Variants in FRAS1 observed in about 807,000 individuals in gnomAD.
FRAS1 encodes the protein extracellular matrix organizing protein FRAS1.
Under a neutral mutation model 435.2 loss-of-function variants are expected in FRAS1, and 290 were observed. The ratio of observed to expected loss-of-function variants is 0.67; its 90% CI spans 0.61 to 0.73. FRAS1 has a LOEUF of 0.73. Ranked by LOEUF, FRAS1 falls within the 30% of genes least tolerant of loss-of-function variation. FRAS1 has a pLI of 0.00. For synonymous variants in FRAS1, 1,800 were observed against 1,851.0 expected, an observed-to-expected ratio of 0.97 and a Z score of 0.71; for missense variants, 4,860 against 5,001.5, an observed-to-expected ratio of 0.97 and a Z score of 0.85.
rs569763806 is a variant in FRAS1 at position 78,154,421 on chromosome 4, T to C, written c.109-83089T>C. Reference sequence around the variant, plus strand: ...TTTGTTTAAAACCCATTTAAAATATTTTTACCATGGAATTTTGTTCTTAAA... The same window carrying C: ...TTTGTTTAAAACCCATTTAAAATATCTTTACCATGGAATTTTGTTCTTAAA... On this transcript the variant is annotated intron_variant, in intron 2 of 73. Transcript: ENST00000512123. Among the ~76,000 whole-genome samples the C allele has an allele frequency of 2.6e-5, 4 of 152,250 alleles. No individual in the cohort carries two copies. The South Asian group carries it at 8.3e-4, about 32-fold the overall frequency.
chr4:78,472,118 G>A, intron 51 of FRAS1, 62 bp from the exon 52 acceptor site: 2 of 1,506,116 alleles, frequency 1.3e-6, no homozygotes, highest in Non-Finnish European at 1.8e-6. Flanking sequence ...ATCTGAGTCA[G>A]AGGGTCTTGT....
intron 31 of FRAS1, among the ~76,000 whole-genome samples, chr4:78,411,417 G>A (rs2110358214): frequency 6.6e-6 from 1 of 152,224 alleles, no homozygotes; most frequent in African/African-American, 2.4e-5. Context: ...CAGCCGAGTT[G>A]CATGGATTTA....
chr4:78,238,011 C>G (rs1194448670), intron 3 of FRAS1, among the ~76,000 whole-genome samples: 1 of 152,154 alleles, frequency 6.6e-6, no homozygotes, highest in Admixed American at 6.5e-5. Context: ...AGAGATTTTA[C>G]CTGAAGTCTG....
intron 2 of FRAS1, among the ~76,000 whole-genome samples, chr4:78,085,144 T>C (rs183133646): frequency 6.3e-4 from 96 of 152,232 alleles, no homozygotes; most frequent in Non-Finnish European, 1.2e-3. Flanking sequence ...GATAGTCAAA[T>C]TTCTGTGTTT....
intron 31 of FRAS1, among the ~76,000 whole-genome samples, chr4:78,408,258 A>G (rs776228549): frequency 6.6e-6 from 1 of 152,188 alleles, no homozygotes; most frequent in Non-Finnish European, 1.5e-5. Flanking sequence ...CATGGGAATT[A>G]TGGGAGCTAT....
intron 18 of FRAS1, among the ~76,000 whole-genome samples, chr4:78,329,827 C>T (rs1297041073): frequency 2.6e-5 from 4 of 152,140 alleles, no homozygotes; most frequent in African/African-American, 9.7e-5. Flanking sequence ...TCCTTTGTGC[C>T]TGGAGCTGAG....
At chr4:78,253,242 CACAG>C (rs1406271827) in intron 5 of FRAS1, among the ~76,000 whole-genome samples, 8 of 152,212 alleles carry the variant, frequency 5.3e-5, no homozygotes, top group African/African-American at 1.4e-4. Flanking sequence ...TACCCGACCC[CACAG>C]GCAGTCAGAC....
intron 14 of FRAS1, among the ~76,000 whole-genome samples, chr4:78,296,419 A>G (rs1315538800): frequency 2.0e-5 from 3 of 152,102 alleles, no homozygotes; most frequent in Non-Finnish European, 4.4e-5. Flanking sequence ...AAAAGGATCA[A>G]AAATGGTGAT....
intron 2 of FRAS1, among the ~76,000 whole-genome samples, chr4:78,076,340 T>C (rs1053889566): frequency 1.3e-5 from 2 of 152,216 alleles, no homozygotes; most frequent in Non-Finnish European, 2.9e-5. Context: ...TTGATGTTCA[T>C]AATGATCCTC....
At chr4:78,210,462 G>A (rs1423938973) in intron 2 of FRAS1, among the ~76,000 whole-genome samples, 1 of 152,198 alleles carries the variant, frequency 6.6e-6, no homozygotes, top group African/African-American at 2.4e-5. Context: ...ACAGTGTCTG[G>A]TGCATAGTGA....
chr4:78,283,846 A>G (rs1290074694), intron 12 of FRAS1, among the ~76,000 whole-genome samples: 1 of 152,254 alleles, frequency 6.6e-6, no homozygotes, highest in Non-Finnish European at 1.5e-5. Context: ...GTCCTTGACA[A>G]CTTCAAAACC....
chr4:78,343,123 G>A (rs932838042), intron 20 of FRAS1, among the ~76,000 whole-genome samples: 4 of 152,068 alleles, frequency 2.6e-5, no homozygotes, highest in African/African-American at 7.2e-5. Flanking sequence ...GATTGACTCG[G>A]TTACATAAAG....
chr4:78,523,265 A>G (rs775576916), intron 69 of FRAS1, among the ~76,000 whole-genome samples: 2 of 152,208 alleles, frequency 1.3e-5, no homozygotes, highest in African/African-American at 2.4e-5. Flanking sequence ...ACTTAGTCAC[A>G]TGGCACACCT....
chr4:78,179,054 C>T (rs1023585483), intron 2 of FRAS1, among the ~76,000 whole-genome samples: 1 of 152,196 alleles, frequency 6.6e-6, no homozygotes, highest in African/African-American at 2.4e-5. Context: ...TTCCCACCTA[C>T]ACAATAGGGC....
rs756996427 is a variant in FRAS1 at position 78,479,639 on chromosome 4, C to T, written c.8364C>T (p.Ala2788=). The change falls in exon 56 of 74, where the codon GCC becomes GCT. Residue 2788 remains alanine (A), a synonymous_variant. Coordinates refer to ENST00000512123, the MANE Select transcript of FRAS1 (RefSeq NM_025074.7). Reference sequence around the variant, plus strand: ...CCCGCATTGGAAGGGTGGCGACAGCCAAGGTGCTCATTAGTGGTCCCAACG... The same window carrying T: ...CCCGCATTGGAAGGGTGGCGACAGCTAAGGTGCTCATTAGTGGTCCCAACG... ...DNARIGRVAT[A]KVLISGPNDA... is the part of the protein sequence containing the mutation. 16 of 1,613,650 alleles carry T rather than the reference C, an allele frequency of 9.9e-6. No homozygotes were observed. The African/African-American group carries it at 2.0e-4, about 20-fold the overall frequency.
intron 69 of FRAS1, among the ~76,000 whole-genome samples, chr4:78,524,297 T>A (rs528202293): frequency 2.0e-5 from 3 of 152,084 alleles, no homozygotes; most frequent in Admixed American, 1.3e-4. Context: ...GGTGAGGAGA[T>A]AAAATACATA....
intron 2 of FRAS1, among the ~76,000 whole-genome samples, chr4:78,079,463 G>T (rs1740800788): frequency 2.0e-5 from 3 of 152,108 alleles, no homozygotes; most frequent in Non-Finnish European, 4.4e-5. Context: ...TATTATTTAG[G>T]ACTCTTAATG....
intron 20 of FRAS1, among the ~76,000 whole-genome samples, chr4:78,362,976 C>CAT (rs1157423055): frequency 4.6e-5 from 7 of 152,226 alleles, no homozygotes; most frequent in Admixed American, 4.6e-4. Flanking sequence ...AGAGGGCAGG[C>CAT]AAACAGGAAT....
intron 2 of FRAS1, among the ~76,000 whole-genome samples, chr4:78,095,651 G>A (rs1014916075): frequency 4.6e-5 from 7 of 152,354 alleles, no homozygotes; most frequent in South Asian, 2.1e-4. Context: ...CACGTCTTAC[G>A]TGGATGGCAG....
Sources: gnomAD v4.1 joint callset for allele counts (sites outside exome capture counted in the v4.1 genomes callset) on GRCh38, gnomAD v4.1.1 for gene constraint, MANE v1.5 for transcripts, NCBI Gene and HGNC (gene_info 2026-07-23, HGNC 2026-07-21) for gene names.